Variants in NCOA2 observed in about 807,000 individuals in gnomAD.
NCOA2 encodes the protein class E basic helix-loop-helix protein 75.
NCOA2 carries 21 observed loss-of-function variants against 145.1 expected under a neutral mutation model. The observed-to-expected ratio is 0.14, with a 90% confidence interval of 0.10 to 0.21. NCOA2 has a LOEUF of 0.21. Among genes scored for constraint, NCOA2 ranks in the 10% least tolerant of loss-of-function variants. NCOA2 has a pLI of 1.00. For synonymous variants in NCOA2, 619 were observed against 637.5 expected, an observed-to-expected ratio of 0.97 and a Z score of 0.44; for missense variants, 1,472 against 1,837.6, an observed-to-expected ratio of 0.80 and a Z score of 3.64.
chr8:70,287,948 T>C (rs914745943), intron 2 of NCOA2, among the ~76,000 whole-genome samples: 1 of 152,128 alleles, frequency 6.6e-6, no homozygotes, highest in African/African-American at 2.4e-5. Flanking sequence ...TGTTTGTTTG[T>C]TTTAAGAGAA....
chr8:70,213,344 A>G (rs1486554466), intron 4 of NCOA2, among the ~76,000 whole-genome samples: 2 of 152,202 alleles, frequency 1.3e-5, no homozygotes, highest in Non-Finnish European at 2.9e-5. Context: ...TCTCAGAAAA[A>G]AAGAAAACCA....
intron 2 of NCOA2, among the ~76,000 whole-genome samples, chr8:70,290,861 T>C (rs1826626822): frequency 6.6e-6 from 1 of 151,208 alleles, no homozygotes. Context: ...CTGACTTTAC[T>C]TGCTATTTTA....
At chr8:70,411,744 A>G in the NCOA2 span, among the ~76,000 whole-genome samples, 428 of 152,362 alleles carry the variant, frequency 2.8e-3, 6 homozygotes, top group African/African-American at 9.9e-3. Context: ...GAACACTACT[A>G]TATGATGCTA....
At position 70,150,201 on chromosome 8, in the gene NCOA2, A is replaced by G. The variant is rs534424930; in HGVS notation, c.2395-1718T>C. ...ATTTTTTAGCTAGTTTAGCCACTCA[A>G]TTGTAACAAAAGAGGGAGGTATCTA... On this transcript the variant is annotated intron_variant, in intron 11 of 22. Coordinates refer to ENST00000452400, the MANE Select transcript of NCOA2 (RefSeq NM_006540.4). 5.5e-3 allele frequency among the ~76,000 whole-genome samples: 839 copies of G among 152,318 alleles called. 10 individuals are homozygous for G. The highest frequency in any genetic ancestry group is 0.019 in the African/African-American group (810 of 41,554).
At chr8:70,255,491 T>G (rs1299893497) in intron 2 of NCOA2, among the ~76,000 whole-genome samples, 1 of 152,222 alleles carries the variant, frequency 6.6e-6, no homozygotes, top group African/African-American at 2.4e-5. Context: ...ATTCCCAGTT[T>G]ATTTATATTT....
intron 1 of NCOA2, among the ~76,000 whole-genome samples, chr8:70,369,856 G>A (rs1038339208): frequency 6.6e-6 from 1 of 151,906 alleles, no homozygotes; most frequent in African/African-American, 2.4e-5. Flanking sequence ...AGTACTAAAG[G>A]CAGAATAGTG....
intron 2 of NCOA2, among the ~76,000 whole-genome samples, chr8:70,275,785 A>G (rs540242589): frequency 2.2e-4 from 33 of 152,244 alleles, no homozygotes; most frequent in Non-Finnish European, 4.4e-4. Flanking sequence ...GAACAGATGC[A>G]ACCAACAGTA....
chr8:70,210,392 C>CA (rs989007441), intron 4 of NCOA2, among the ~76,000 whole-genome samples: 85 of 151,406 alleles, frequency 5.6e-4, no homozygotes, highest in African/African-American at 1.9e-3. Flanking sequence ...GAATGTCGGC[C>CA]AAAAAAAACC....
At chr8:70,154,103 C>T (rs1014309804) in intron 11 of NCOA2, among the ~76,000 whole-genome samples, 4 of 152,150 alleles carry the variant, frequency 2.6e-5, no homozygotes, top group Non-Finnish European at 5.9e-5. Context: ...TTAGCTCTAC[C>T]GACTCAGCAG....
chr8:70,296,227 C>T (rs957756473), intron 2 of NCOA2, among the ~76,000 whole-genome samples: 2 of 152,124 alleles, frequency 1.3e-5, no homozygotes, highest in African/African-American at 2.4e-5. Flanking sequence ...AAATCAATTT[C>T]AGCTGTGTGA....
In NCOA2 at chr8:70,141,305, G is replaced by A; in HGVS notation, c.2907C>T (p.Thr969=). Residue 969 remains threonine (T), a synonymous_variant, in exon 14 of 23, where the codon ACC becomes ACT. Transcript: ENST00000452400. The part of the protein sequence containing the change: ...SAVRVTCAAT[T]SAMNRPVQGG... ...CTTGGACTGGCCGGTTCATGGCACT[G>A]GTGGTAGCAGCACAGGTGACTCTCA... 2 of 1,613,946 alleles carry A rather than the reference G, an allele frequency of 1.2e-6. No homozygotes were observed. Among genetic ancestry groups the A allele is most frequent in the East Asian group, 2.2e-5 (1 of 44,868 alleles).
At chr8:70,374,506 C>T (rs1182901605) in intron 1 of NCOA2, among the ~76,000 whole-genome samples, 1 of 150,786 alleles carries the variant, frequency 6.6e-6, no homozygotes, top group East Asian at 1.9e-4. Context: ...AATGGACACA[C>T]ATAAAAGAAA....
upstream of NCOA2, among the ~76,000 whole-genome samples, chr8:70,405,444 T>G (rs969916648): frequency 8.5e-6 from 1 of 117,760 alleles, no homozygotes; most frequent in Non-Finnish European, 1.7e-5. Context: ...AAGGTTTTTT[T>G]TTTTTTTTTT....
At chr8:70,340,491 C>T (rs1452129362) in intron 1 of NCOA2, among the ~76,000 whole-genome samples, 6 of 152,100 alleles carry the variant, frequency 3.9e-5, no homozygotes, top group Admixed American at 1.3e-4. Context: ...TTTACACTAC[C>T]GGTGGGAGTG....
intron 2 of NCOA2, among the ~76,000 whole-genome samples, chr8:70,258,342 AG>A (rs1823823569): frequency 6.6e-6 from 1 of 152,226 alleles, no homozygotes; most frequent in South Asian, 2.1e-4. Context: ...TTTCATTTGT[AG>A]CTTCAGGATA....
intron 1 of NCOA2, among the ~76,000 whole-genome samples, chr8:70,352,838 T>C (rs1192592368): frequency 6.6e-6 from 1 of 152,174 alleles, no homozygotes; most frequent in Non-Finnish European, 1.5e-5. Flanking sequence ...TGCCAAACAT[T>C]GTCCTAAATA....
intron 14 of NCOA2, among the ~76,000 whole-genome samples, chr8:70,138,659 G>T (rs901486550): frequency 1.3e-5 from 2 of 152,200 alleles, no homozygotes; most frequent in Non-Finnish European, 2.9e-5. Flanking sequence ...AGAAAAAAGT[G>T]TAGATTCATT....
rs189029836 is a variant in NCOA2 at position 70,220,095 on chromosome 8, C to T, written c.-19-3331G>A. On this transcript the variant is annotated intron_variant, in intron 2 of 22. Transcript: ENST00000452400. The stretch of plus-strand genomic sequence containing the variant: ...CTCTATGGACAGAGGAATTTTTATG[C>T]ACTTTTGTAGATCGAAGTTAAAAAA... Among the ~76,000 whole-genome samples the T allele has an allele frequency of 1.2e-4, 19 of 152,314 alleles. No individual in the cohort carries two copies. The East Asian group carries it at 2.9e-3, about 23-fold the overall frequency.
At chr8:70,449,258 C>T in the NCOA2 span, among the ~76,000 whole-genome samples, 1 of 152,192 alleles carries the variant, frequency 6.6e-6, no homozygotes, top group Non-Finnish European at 1.5e-5. Context: ...AATAGAAGCA[C>T]CTGCTCTCAT....
Sources: gnomAD v4.1 joint callset for allele counts (sites outside exome capture counted in the v4.1 genomes callset) on GRCh38, gnomAD v4.1.1 for gene constraint, MANE v1.5 for transcripts, NCBI Gene and HGNC (gene_info 2026-07-23, HGNC 2026-07-21) for gene names.